The following NCK2 variants were observed in gnomAD, a reference collection of about 807,000 sequenced individuals.
NCK2 encodes NCK adaptor protein 2, also known as cytoplasmic protein NCK2.
A neutral mutation model predicts 33.9 loss-of-function variants in NCK2; 16 were observed. That is an observed-to-expected ratio of 0.47 (90% CI 0.32 to 0.72). The LOEUF is 0.72. Among genes scored for constraint, NCK2 ranks in the 30% least tolerant of loss-of-function variants. The probability of loss-of-function intolerance (pLI) is 0.03; values close to 1 mark genes in which losing one functional copy is unlikely to be tolerated. For missense variants in NCK2, 418 were observed against 537.3 expected, an observed-to-expected ratio of 0.78 and a Z score of 2.19; for synonymous variants, 273 against 239.9, an observed-to-expected ratio of 1.14 and a Z score of -1.27.
At chr2:105,782,122 T>C (rs1690518131) in intron 1 of NCK2, among the ~76,000 whole-genome samples, 1 of 152,204 alleles carries the variant, frequency 6.6e-6, no homozygotes, top group Non-Finnish European at 1.5e-5. Context: ...TGCGGGAAGT[T>C]GCTTTTGGGC....
chr2:105,856,508 C>T (rs1677277302), intron 3 of NCK2, among the ~76,000 whole-genome samples: 2 of 152,096 alleles, frequency 1.3e-5, no homozygotes, highest in African/African-American at 2.4e-5. Context: ...ATGAGGAATA[C>T]GTAGGAAAAC....
At chr2:105,789,522 C>T (rs1690801706) in intron 1 of NCK2, among the ~76,000 whole-genome samples, 2 of 152,198 alleles carry the variant, frequency 1.3e-5, no homozygotes, top group Admixed American at 6.5e-5. Context: ...AAACATTAGC[C>T]TTCTTTTGTT....
rs959740415 is a variant in NCK2, at chr2:105,794,813, C to T, written c.-200-21617C>T. 9.9e-5 allele frequency among the ~76,000 whole-genome samples: 15 copies of T among 151,990 alleles called. No individual in the cohort carries two copies. In the East Asian group the frequency reaches 1.6e-3, roughly 16 times the overall value. ...GCAACCTCCATCTCCTGGGTTCAAG[C>T]GATTCTCCTGCCTCAGCCTCCCGAA... On this transcript the variant is annotated intron_variant, in intron 1 of 4. Transcript: ENST00000233154.
rs116547789 is a variant in NCK2 at position 105,751,975 on chromosome 2, C to T, written c.-201+6837C>T. On this transcript the variant is annotated intron_variant, in intron 1 of 4. Coordinates refer to ENST00000233154, the MANE Select transcript of NCK2 (RefSeq NM_003581.5). ...TATTAATTTTCATCCTATATTTTGCCCAATATATATATAAACTCTATGTGT... is the reference window on the plus strand; with the variant it reads ...TATTAATTTTCATCCTATATTTTGCTCAATATATATATAAACTCTATGTGT... Among the ~76,000 whole-genome samples, 522 of 152,058 alleles carry T rather than the reference C, an allele frequency of 3.4e-3. 5 individuals carry two copies. Among genetic ancestry groups the T allele is most frequent in the African/African-American group, 0.012 (486 of 41,458 alleles).
chr2:105,752,744 C>G (rs1182358894), intron 1 of NCK2, among the ~76,000 whole-genome samples: 1 of 152,218 alleles, frequency 6.6e-6, no homozygotes, highest in African/African-American at 2.4e-5. Flanking sequence ...CCTCCAGTTC[C>G]ATCTGTGTTG....
At chr2:105,852,849 A>T (rs1677119056) in intron 2 of NCK2, among the ~76,000 whole-genome samples, 1 of 152,190 alleles carries the variant, frequency 6.6e-6, no homozygotes, top group Admixed American at 6.5e-5. Flanking sequence ...TGGATAACAA[A>T]ATTGTCTCCA....
At chr2:105,857,670 T>C (rs546866504) in intron 3 of NCK2, among the ~76,000 whole-genome samples, 32 of 152,380 alleles carry the variant, frequency 2.1e-4, no homozygotes, top group African/African-American at 7.0e-4. Context: ...TTATTGAGTA[T>C]AGCAGTTGAT....
intron 2 of NCK2, among the ~76,000 whole-genome samples, chr2:105,845,289 G>A (rs1676813652): frequency 6.6e-6 from 1 of 152,158 alleles, no homozygotes. Flanking sequence ...TTCAAAATCA[G>A]GCAGGGAATC....
chr2:105,829,162 CA>C (rs779577834), intron 2 of NCK2, among the ~76,000 whole-genome samples: 116 of 152,078 alleles, frequency 7.6e-4, no homozygotes, highest in Non-Finnish European at 1.4e-3. Flanking sequence ...TTGATAGGTA[CA>C]AAATACGTAG....
intron 1 of NCK2, among the ~76,000 whole-genome samples, chr2:105,774,008 TATC>T (rs1380696022): frequency 1.7e-5 from 2 of 120,696 alleles, no homozygotes; most frequent in Non-Finnish European, 3.4e-5. Flanking sequence ...TTTTTCCAGC[TATC>T]TTTTTTTTTT....
intron 2 of NCK2, among the ~76,000 whole-genome samples, chr2:105,821,205 C>T (rs897327605): frequency 2.0e-5 from 3 of 152,146 alleles, no homozygotes; most frequent in African/African-American, 7.2e-5. Flanking sequence ...TTATCATATC[C>T]TGGTTGTTTG....
intron 1 of NCK2, among the ~76,000 whole-genome samples, chr2:105,759,325 T>C (rs528167278): frequency 9.2e-5 from 14 of 152,354 alleles, no homozygotes; most frequent in Admixed American, 8.5e-4. Context: ...ATTTCAGCCA[T>C]GTAATACCCT....
intron 1 of NCK2, among the ~76,000 whole-genome samples, chr2:105,783,103 A>T (rs890819045): frequency 3.9e-5 from 6 of 152,190 alleles, no homozygotes; most frequent in Admixed American, 1.3e-4. Context: ...TAAGAGTTGC[A>T]GAAGGCCAGA....
chr2:105,839,712 T>TA (rs1486287092), intron 2 of NCK2, among the ~76,000 whole-genome samples: 1 of 152,206 alleles, frequency 6.6e-6, no homozygotes, highest in Non-Finnish European at 1.5e-5. Flanking sequence ...TGCAGGAGTC[T>TA]GGCATTTGGG....
chr2:105,877,446 A>G (rs528879028), intron 3 of NCK2, among the ~76,000 whole-genome samples: 2 of 152,270 alleles, frequency 1.3e-5, no homozygotes, highest in East Asian at 3.9e-4. Flanking sequence ...CGTCTTTCCC[A>G]CACAGTACCC....
chr2:105,890,596 C>T (rs1467383998), intron 4 of NCK2, among the ~76,000 whole-genome samples: 2 of 152,182 alleles, frequency 1.3e-5, no homozygotes, highest in African/African-American at 4.8e-5. Context: ...TGGGGCTTTT[C>T]GCCTCAAAGG....
At chr2:105,768,465 ACTT>A (rs1402956691) in intron 1 of NCK2, among the ~76,000 whole-genome samples, 2 of 152,176 alleles carry the variant, frequency 1.3e-5, no homozygotes, top group African/African-American at 4.8e-5. Flanking sequence ...AGCCACCTGT[ACTT>A]CTGATCAACT....
intron 1 of NCK2, among the ~76,000 whole-genome samples, chr2:105,772,952 T>C (rs1383791713): frequency 6.6e-6 from 1 of 150,544 alleles, no homozygotes; most frequent in Non-Finnish European, 1.5e-5. Context: ...AGTGCAGTGG[T>C]GTGATCATGG....
At chr2:105,797,204 C>T (rs939129150) in intron 1 of NCK2, among the ~76,000 whole-genome samples, 1 of 152,180 alleles carries the variant, frequency 6.6e-6, no homozygotes, top group Non-Finnish European at 1.5e-5. Context: ...TGGCCAAATT[C>T]AGGATCTTAG....
Sources: gnomAD v4.1 joint callset for allele counts (sites outside exome capture counted in the v4.1 genomes callset) on GRCh38, gnomAD v4.1.1 for gene constraint, MANE v1.5 for transcripts, NCBI Gene and HGNC (gene_info 2026-07-23, HGNC 2026-07-21) for gene names.